Variants in ANKRD26 observed in about 807,000 individuals in gnomAD.
The protein encoded by ANKRD26 is ankyrin repeat domain-containing protein 26.
In ANKRD26, 141 loss-of-function variants were observed where a neutral mutation model predicts 208.7. The ratio of observed to expected loss-of-function variants is 0.68; its 90% CI spans 0.59 to 0.78. The LOEUF is 0.78. Ranked by LOEUF, ANKRD26 falls within the 30% of genes least tolerant of loss-of-function variation. The probability of loss-of-function intolerance (pLI) is 0.00; values close to 1 mark genes in which losing one functional copy is unlikely to be tolerated. For synonymous variants in ANKRD26, 636 were observed against 660.4 expected (o/e 0.96, Z 0.57); for missense variants, 1,889 against 1,938.7 (o/e 0.97, Z 0.48).
downstream of ANKRD26, among the ~76,000 whole-genome samples, chr10:27,003,237 A>G (rs965083851): frequency 4.6e-5 from 7 of 152,190 alleles, no homozygotes; most frequent in Admixed American, 2.6e-4. Context: ...TCAAAGAATA[A>G]GGGGGACAGG....
At chr10:26,957,387 C>G in the ANKRD26 span, among the ~76,000 whole-genome samples, 1 of 151,644 alleles carries the variant, frequency 6.6e-6, no homozygotes, top group Admixed American at 6.6e-5. Context: ...GACCCTGTCT[C>G]AAAAAATAAA....
chr10:27,086,761 CTTTTTTGTTTTTT>C (rs1300360833), intron 4 of ANKRD26, 152 bp from the exon 5 acceptor site: 2 of 376,460 alleles, frequency 5.3e-6, no homozygotes, highest in East Asian at 8.1e-5. Flanking sequence ...GCTCTACAAA[CTTTTTTGTTTTTT>C]TTTTTTTTTT....
intron 3 of ANKRD26, among the ~76,000 whole-genome samples, chr10:26,985,676 A>T (rs1309035105): frequency 6.6e-6 from 1 of 152,154 alleles, no homozygotes; most frequent in South Asian, 2.1e-4. Flanking sequence ...TTTTTGAATG[A>T]CTTCTAACAG....
chr10:27,077,042 C>G (rs2055724211), intron 9 of ANKRD26: 1 of 371,934 alleles, frequency 2.7e-6, no homozygotes. Context: ...AAGGACATAA[C>G]AAAAAAAGAA....
At chr10:27,086,641 T>C in intron 4 of ANKRD26, 32 bp from the exon 5 acceptor site, 1 of 1,577,058 alleles carries the variant, frequency 6.3e-7, no homozygotes, top group Non-Finnish European at 8.6e-7. Flanking sequence ...AAAATTATGT[T>C]AATACTGATA....
At chr10:27,090,219 G>A (rs1409885267) in intron 4 of ANKRD26, among the ~76,000 whole-genome samples, 3 of 152,122 alleles carry the variant, frequency 2.0e-5, no homozygotes, top group Non-Finnish European at 4.4e-5. Context: ...GCCAAAGCGG[G>A]TGGATCACTT....
intron 16 of ANKRD26, among the ~76,000 whole-genome samples, chr10:27,049,324 G>A (rs2054568418): frequency 6.6e-6 from 1 of 152,102 alleles, no homozygotes; most frequent in Admixed American, 6.6e-5. Flanking sequence ...GGCAGAAACA[G>A]AGAAATAAAA....
At chr10:27,091,868 T>G (rs547773444) in intron 4 of ANKRD26, among the ~76,000 whole-genome samples, 28 of 151,912 alleles carry the variant, frequency 1.8e-4, no homozygotes, top group East Asian at 9.7e-4. Flanking sequence ...GCACCAGTAA[T>G]CCCAGCTACT....
the ANKRD26 span, among the ~76,000 whole-genome samples, chr10:26,968,306 T>TG: frequency 3.2e-4 from 48 of 152,312 alleles, no homozygotes; most frequent in African/African-American, 1.1e-3. Flanking sequence ...CCCCACTTAT[T>TG]GGGTCACTTC....
the ANKRD26 span, among the ~76,000 whole-genome samples, chr10:26,950,161 GTGATT>G: frequency 1.3e-5 from 2 of 152,162 alleles, no homozygotes; most frequent in African/African-American, 4.8e-5. Flanking sequence ...TTGTGGGGAG[GTGATT>G]GGATCATGGG....
intron 5 of ANKRD26, among the ~76,000 whole-genome samples, chr10:27,083,655 A>G (rs1275731708): frequency 6.6e-6 from 1 of 152,264 alleles, no homozygotes; most frequent in Non-Finnish European, 1.5e-5. Context: ...CATAATGGAT[A>G]AATACTAGTC....
At chr10:27,064,181 T>G in intron 11 of ANKRD26, 100 bp from the exon 12 acceptor site, 1 of 925,810 alleles carries the variant, frequency 1.1e-6, no homozygotes. Flanking sequence ...ATTTCCTATT[T>G]TAAAAGCAAT....
Position 27,035,098 on chromosome 10 carries a change from C to G in ANKRD26, c.3352G>C (p.Glu1118Gln). The G allele has an allele frequency of 6.2e-7, 1 of 1,612,624 alleles. No individual in the cohort carries two copies. The highest frequency in any genetic ancestry group is 2.2e-5 in the East Asian group (1 of 44,856). ...MKEMEQKYQN[E>Q]QVKVNKYIGK... ...ATGTATTTATTCACTTTAACTTGTT[C>G]ATTTTGATACTTTTGTTCCATTTCC... Residue 1118 changes from glutamate to glutamine, a missense_variant, in exon 24 of 34, where the codon GAA (glutamate) becomes CAA (glutamine). Glu to Gln is a conservative substitution (Grantham distance 29, BLOSUM62 2). Transcript: ENST00000376087.
chr10:27,090,705 A>C (rs2056272678), intron 4 of ANKRD26, among the ~76,000 whole-genome samples: 1 of 152,244 alleles, frequency 6.6e-6, no homozygotes, highest in Non-Finnish European at 1.5e-5. Context: ...GCAAAGATTT[A>C]AATGAAGAAT....
At position 27,053,326 on chromosome 10, in the gene ANKRD26, C is replaced by T. The variant is rs2054727631; in HGVS notation, c.1629G>A (p.Gln543=). 1.9e-6 allele frequency: 3 copies of T among 1,605,350 alleles called. No individual in the cohort carries two copies. Among genetic ancestry groups the T allele is most frequent in the Non-Finnish European group, 8.5e-7 (1 of 1,174,452 alleles). ...TTTTAAAAATATATAATACCTGTGGCTGGTTATTTTCACTCCCTTCCCTTT... is the reference window on the plus strand; with the variant it reads ...TTTTAAAAATATATAATACCTGTGGTTGGTTATTTTCACTCCCTTCCCTTT... ...EQEREGSENN[Q]PQVEEERKKH... The change falls in exon 16 of 34, where the codon CAG becomes CAA. Residue 543 remains glutamine, a synonymous_variant. Coordinates refer to ENST00000376087, the MANE Select transcript of ANKRD26 (RefSeq NM_014915.3).
chr10:26,969,394 G>A (rs1049693571), downstream of ANKRD26, among the ~76,000 whole-genome samples: 1 of 152,198 alleles, frequency 6.6e-6, no homozygotes, highest in Non-Finnish European at 1.5e-5. Context: ...AATACTCAGT[G>A]ATCATAATTG....
At chr10:26,996,335 G>A (rs1197539745) in intron 4 of ANKRD26, among the ~76,000 whole-genome samples, 1 of 152,106 alleles carries the variant, frequency 6.6e-6, no homozygotes, top group African/African-American at 2.4e-5. Flanking sequence ...GCCAAGGCAG[G>A]AGGATCACAA....
At chr10:27,000,801 C>T (rs968038318), downstream of ANKRD26, among the ~76,000 whole-genome samples, 4 of 151,990 alleles carry the variant, frequency 2.6e-5, no homozygotes, top group Non-Finnish European at 4.4e-5. Context: ...GTCAGGAGAT[C>T]GAGACCATCC....
downstream of ANKRD26, among the ~76,000 whole-genome samples, chr10:26,991,418 G>C (rs1211585280): frequency 6.6e-6 from 1 of 152,082 alleles, no homozygotes; most frequent in Non-Finnish European, 1.5e-5. Context: ...AAAGGGAAAG[G>C]GTAGATATTG....
Sources: gnomAD v4.1 joint callset for allele counts (sites outside exome capture counted in the v4.1 genomes callset) on GRCh38, gnomAD v4.1.1 for gene constraint, MANE v1.5 for transcripts, NCBI Gene and HGNC (gene_info 2026-07-23, HGNC 2026-07-21) for gene names.